Variants in CFAP52 observed in about 807,000 individuals in gnomAD.
CFAP52 encodes cilia and flagella associated protein 52, also known as cilia- and flagella-associated protein 52.
A neutral mutation model predicts 70.5 loss-of-function variants in CFAP52; 57 were observed. The observed-to-expected ratio is 0.81, with a 90% CI of 0.65 to 1.01. The LOEUF (loss-of-function observed/expected upper bound fraction) is 1.01, where lower values mean the gene tolerates loss of function less well. CFAP52 is among the 50% of genes least tolerant of loss of function. CFAP52 has a pLI of 0.00. For missense variants in CFAP52, 785 were observed against 788.5 expected (o/e 1.00, Z 0.05); for synonymous variants, 267 against 292.5 (o/e 0.91, Z 0.89).
chr17:9,594,089 C>T (rs777592603), intron 3 of CFAP52, 104 bp from the exon 4 acceptor site: 1 of 1,435,744 alleles, frequency 7.0e-7, no homozygotes, highest in Non-Finnish European at 9.2e-7. Context: ...TTTAAGTAAC[C>T]TGTTGTGTTT....
At chr17:9,585,498 C>T (rs559089696) in intron 1 of CFAP52, among the ~76,000 whole-genome samples, 2 of 152,070 alleles carry the variant, frequency 1.3e-5, no homozygotes, top group Non-Finnish European at 2.9e-5. Flanking sequence ...GAAACCCCGT[C>T]TCTACTAAAA....
chr17:9,628,673 GGC>G lies in CFAP52; in HGVS notation c.1028_1029del (p.Gly343AspfsTer3). 6.2e-7 allele frequency: 1 copy of G among 1,612,710 alleles called. No individual in the cohort carries two copies. Among genetic ancestry groups the G allele is most frequent in the Non-Finnish European group, 8.5e-7 (1 of 1,178,880 alleles). ...DAVEDIVFPF[G>X]TAELFATCAK... The stretch of plus-strand genomic sequence containing the variant: ...CATCTCTTGATGGCTTCCTTGCAGT[GGC>G]ACTGCTGAGCTATTTGCAACCTGTG... On this transcript the variant is annotated frameshift_variant and splice_region_variant, in exon 9 of 14. Coordinates refer to ENST00000352665, the MANE Select transcript of CFAP52 (RefSeq NM_145054.5). LOFTEE classifies it high-confidence loss of function.
intron 8 of CFAP52, among the ~76,000 whole-genome samples, chr17:9,615,818 T>TTC (rs1597786002): frequency 1.7e-5 from 2 of 120,050 alleles, no homozygotes; most frequent in East Asian, 4.1e-4. Flanking sequence ...TTTTTTTTTT[T>TTC]TCCCAGAAAC....
In CFAP52 at chr17:9,643,036, T is replaced by C. The variant is rs776124001; in HGVS notation, c.1701T>C (p.His567=). 205 of 1,601,254 alleles carry C rather than the reference T, an allele frequency of 1.3e-4. No homozygotes were observed. The highest frequency in any genetic ancestry group is 1.6e-4 in the Non-Finnish European group (185 of 1,174,016). ...GVHFVTGGND[H]LVKVWDYNEG... ...TATCTTTTTCAGGTGGAAATGACCATCTGGTCAAAGTTTGGGATTATAATG... is the reference window on the plus strand; with the variant it reads ...TATCTTTTTCAGGTGGAAATGACCACCTGGTCAAAGTTTGGGATTATAATG... Residue 567 remains histidine (H), a synonymous_variant, in exon 14 of 14, where the codon CAT becomes CAC. Coordinates refer to ENST00000352665, the MANE Select transcript of CFAP52 (RefSeq NM_145054.5).
At chr17:9,640,045 A>C (rs1035706308) in intron 12 of CFAP52, among the ~76,000 whole-genome samples, 3 of 152,194 alleles carry the variant, frequency 2.0e-5, no homozygotes, top group Admixed American at 1.3e-4. Flanking sequence ...GCATCAACAG[A>C]CATTACAAAG....
downstream of CFAP52, among the ~76,000 whole-genome samples, chr17:9,643,727 C>T (rs1911193901): frequency 6.6e-6 from 1 of 152,230 alleles, no homozygotes; most frequent in African/African-American, 2.4e-5. Flanking sequence ...GACTAATGTA[C>T]TAAAGCATCG....
At chr17:9,631,052 G>GAGAGAGAGAGAAAGAAAGAAAGAA (rs370935367) in intron 9 of CFAP52, among the ~76,000 whole-genome samples, 5 of 37,952 alleles carry the variant, frequency 1.3e-4, no homozygotes, top group Non-Finnish European at 1.8e-4. Context: ...GAGAGAGAGA[G>GAGAGAGAGAGAAAGAAAGAAAGAA]AGAAAGAAAG....
intron 1 of CFAP52, among the ~76,000 whole-genome samples, chr17:9,579,433 A>G (rs1908114829): frequency 6.6e-6 from 1 of 152,190 alleles, no homozygotes; most frequent in South Asian, 2.1e-4. Context: ...CAGGAAAGAG[A>G]AGCTGGAATT....
chr17:9,631,047 A>AGG (rs1910490700), intron 9 of CFAP52, among the ~76,000 whole-genome samples: 1 of 102,604 alleles, frequency 9.7e-6, no homozygotes, highest in South Asian at 3.4e-4. Flanking sequence ...AGAGAGAGAG[A>AGG]GAGAGAGAAA....
Position 9,585,754 on chromosome 17 carries a change from G to A in CFAP52, c.71-19G>A, listed in dbSNP as rs770695329. On this transcript the variant is annotated intron_variant, in intron 1 of 13. Transcript: ENST00000352665. ...ACTTCTGCACCTGATTATTATTACT[G>A]TGAATCTCTCTCTTTTAGGACATGT... 3 of 1,613,094 alleles carry A rather than the reference G, an allele frequency of 1.9e-6. No homozygotes were observed. The highest frequency in any genetic ancestry group is 2.5e-6 in the Non-Finnish European group (3 of 1,179,298).
chr17:9,599,577 C>T (rs914275133), intron 5 of CFAP52, among the ~76,000 whole-genome samples: 1 of 152,044 alleles, frequency 6.6e-6, no homozygotes, highest in African/African-American at 2.4e-5. Context: ...TAGCCCTTAC[C>T]CTGCTCCCCT....
intron 3 of CFAP52, among the ~76,000 whole-genome samples, chr17:9,588,734 C>T (rs541474310): frequency 1.3e-5 from 2 of 151,448 alleles, no homozygotes; most frequent in South Asian, 4.2e-4. Flanking sequence ...AGGTATGCTC[C>T]TTCCATACCC....
Position 9,631,269 on chromosome 17 carries a change from A to G in CFAP52, c.1175-1619A>G, listed in dbSNP as rs1597793778. On this transcript the variant is annotated intron_variant, in intron 9 of 13. Transcript: ENST00000352665. ...CTCTTACTACTCACCCCTTCTAGCC[A>G]TACTTTCTTCTTGCTGTTCCTCAAA... 2.0e-5 allele frequency among the ~76,000 whole-genome samples: 3 copies of G among 151,958 alleles called. No homozygotes were observed. The East Asian group carries it at 5.9e-4, about 30-fold the overall frequency.
chr17:9,613,502 TTTTGTTTGTTTGTTTG>T (rs377374357), intron 8 of CFAP52, among the ~76,000 whole-genome samples: 6 of 150,248 alleles, frequency 4.0e-5, no homozygotes, highest in South Asian at 2.1e-4. Flanking sequence ...TTTGGGGGGT[TTTTGTTTGTTTGTTTG>T]TTTGTTTGTT....
At position 9,585,822 on chromosome 17, in the gene CFAP52, T is replaced by A; in HGVS notation, c.120T>A (p.Ile40=). 1.2e-6 allele frequency: 2 copies of A among 1,614,100 alleles called. No individual in the cohort carries two copies. The highest frequency in any genetic ancestry group is 1.1e-5 in the South Asian group (1 of 91,076). ...GCCATCCTGACCAGGAGCATATGATTTATCCTCTTGGTTGCACAGTCCTCA... is the reference window on the plus strand; with the variant it reads ...GCCATCCTGACCAGGAGCATATGATATATCCTCTTGGTTGCACAGTCCTCA... ...LKCHPDQEHM[I]YPLGCTVLIQ... Residue 40 remains isoleucine (I), a synonymous_variant, in exon 2 of 14, where the codon ATT becomes ATA. Coordinates refer to ENST00000352665, the MANE Select transcript of CFAP52 (RefSeq NM_145054.5).
chr17:9,614,216 C>T lies in CFAP52; in HGVS notation c.1025+1737C>T, dbSNP rs544759661. ...CTGTTGCCATGCTGGAGTGCAGTGG[C>T]ACGATCTTGGCTCACTGCAACCTCT... On this transcript the variant is annotated intron_variant, in intron 8 of 13. Transcript: ENST00000352665. Among the ~76,000 whole-genome samples, 6 of 142,414 alleles carry T rather than the reference C, an allele frequency of 4.2e-5. No homozygotes were observed. The South Asian group carries it at 1.3e-3, about 31-fold the overall frequency. The allele number at this position is 142,414 out of a possible 152,430, so 93.4% of individuals were successfully genotyped here.
intron 10 of CFAP52, 137 bp downstream of exon 10, chr17:9,633,170 G>T: frequency 9.8e-7 from 1 of 1,021,828 alleles, no homozygotes; most frequent in Non-Finnish European, 1.4e-6. Flanking sequence ...GATGAGATCT[G>T]AAAATATGTC....
chr17:9,624,346 C>T (rs1460179872), intron 8 of CFAP52, among the ~76,000 whole-genome samples: 1 of 152,018 alleles, frequency 6.6e-6, no homozygotes, highest in Non-Finnish European at 1.5e-5. Flanking sequence ...TTAGGCTGTT[C>T]ATTTTTCTTC....
intron 1 of CFAP52, among the ~76,000 whole-genome samples, chr17:9,585,551 A>G (rs374719934): frequency 5.9e-5 from 9 of 152,152 alleles, no homozygotes; most frequent in East Asian, 5.8e-4. Context: ...GGTGCCTGTA[A>G]TCCCAGCTAC....
Sources: allele counts gnomAD v4.1 joint callset (sites outside exome capture counted in the v4.1 genomes callset), GRCh38; gene constraint gnomAD v4.1.1; transcripts MANE v1.5; gene names NCBI Gene and HGNC (gene_info 2026-07-23, HGNC 2026-07-21).